PRKCE: variants seen among roughly 807,000 people sequenced by gnomAD.
PRKCE encodes the protein protein kinase C epsilon type.
A neutral mutation model predicts 85.4 loss-of-function variants in PRKCE; 16 were observed. The ratio of observed to expected loss-of-function variants is 0.19; its 90% CI spans 0.13 to 0.28. PRKCE has a LOEUF of 0.28. Among genes scored for constraint, PRKCE ranks in the 10% least tolerant of loss-of-function variants. PRKCE has a pLI of 1.00. For synonymous variants in PRKCE, 388 were observed against 371.5 expected (o/e 1.04, Z -0.51); for missense variants, 573 against 975.2 (o/e 0.59, Z 5.49).
chr2:45,926,409 T>C (rs1226073741), intron 2 of PRKCE, among the ~76,000 whole-genome samples: 1 of 151,936 alleles, frequency 6.6e-6, no homozygotes, highest in Non-Finnish European at 1.5e-5. Context: ...AATCAGTGAG[T>C]TAGGTGAGTC....
intron 1 of PRKCE, among the ~76,000 whole-genome samples, chr2:45,743,334 G>A (rs891773814): frequency 8.5e-5 from 13 of 152,158 alleles, no homozygotes; most frequent in Admixed American, 8.5e-4. Context: ...ACTTCACAAT[G>A]TGCACTTATA....
intron 10 of PRKCE, among the ~76,000 whole-genome samples, chr2:46,035,851 A>G (rs1707825394): frequency 6.6e-6 from 1 of 152,254 alleles, no homozygotes; most frequent in Non-Finnish European, 1.5e-5. Flanking sequence ...AGTCCTTGAG[A>G]TCCAGCAGAG....
chr2:46,135,746 CTTTTT>C (rs11417233), intron 11 of PRKCE, among the ~76,000 whole-genome samples: 67 of 20,666 alleles, frequency 3.2e-3, no homozygotes, highest in African/African-American at 0.015. Flanking sequence ...ACAAATTATG[CTTTTT>C]TTTTTTTTTT....
intron 2 of PRKCE, among the ~76,000 whole-genome samples, chr2:45,923,811 G>C (rs2103964835): frequency 6.6e-6 from 1 of 152,280 alleles, no homozygotes; most frequent in East Asian, 1.9e-4. Context: ...GCAGAGGGAA[G>C]GAGGGAGGAA....
intron 1 of PRKCE, among the ~76,000 whole-genome samples, chr2:45,689,626 C>G (rs1677570284): frequency 6.6e-6 from 1 of 151,728 alleles, no homozygotes; most frequent in South Asian, 2.1e-4. Context: ...AGTTTGTTTT[C>G]CAGCCAGGTG....
At chr2:45,935,527 C>T (rs578067570) in intron 2 of PRKCE, among the ~76,000 whole-genome samples, 11 of 152,306 alleles carry the variant, frequency 7.2e-5, no homozygotes, top group African/African-American at 2.2e-4. Context: ...TGGCTCACGC[C>T]TATAATCCCA....
intron 1 of PRKCE, among the ~76,000 whole-genome samples, chr2:45,784,865 T>C (rs1368399023): frequency 6.6e-6 from 1 of 152,228 alleles, no homozygotes; most frequent in Non-Finnish European, 1.5e-5. Context: ...ATAATGATAA[T>C]GTTTTTTGTC....
At chr2:45,672,906 G>T (rs1236506288) in intron 1 of PRKCE, among the ~76,000 whole-genome samples, 1 of 152,068 alleles carries the variant, frequency 6.6e-6, no homozygotes, top group African/African-American at 2.4e-5. Flanking sequence ...TGCATTTGTA[G>T]TCTCAGCTGC....
chr2:46,067,447 G>A (rs1308164872), intron 10 of PRKCE, among the ~76,000 whole-genome samples: 2 of 152,214 alleles, frequency 1.3e-5, no homozygotes, highest in Non-Finnish European at 2.9e-5. Context: ...CCTGTTAGCC[G>A]AAGGCAGTGA....
chr2:45,751,681 C>T (rs1461347566), intron 1 of PRKCE, among the ~76,000 whole-genome samples: 6 of 152,044 alleles, frequency 3.9e-5, no homozygotes, highest in East Asian at 1.9e-4. Context: ...AGAATGTAAT[C>T]GACTTTAAAA....
At chr2:45,779,543 A>T (rs1293913183) in intron 1 of PRKCE, among the ~76,000 whole-genome samples, 2 of 151,810 alleles carry the variant, frequency 1.3e-5, no homozygotes, top group Admixed American at 6.6e-5. Flanking sequence ...TCCATTTGTG[A>T]ACTGAGAAGT....
chr2:46,044,797 C>G (rs1173004490), intron 10 of PRKCE, among the ~76,000 whole-genome samples: 1 of 152,082 alleles, frequency 6.6e-6, no homozygotes, highest in Non-Finnish European at 1.5e-5. Flanking sequence ...TGGATGAGCC[C>G]AGTATTGGAG....
At chr2:45,806,953 A>G (rs960553743) in intron 1 of PRKCE, among the ~76,000 whole-genome samples, 6 of 152,118 alleles carry the variant, frequency 3.9e-5, no homozygotes, top group Admixed American at 1.3e-4. Flanking sequence ...TTGCCTAGAG[A>G]GCCACTGTGG....
At chr2:45,742,223 C>T (rs1471471854) in intron 1 of PRKCE, among the ~76,000 whole-genome samples, 1 of 151,974 alleles carries the variant, frequency 6.6e-6, no homozygotes, top group Non-Finnish European at 1.5e-5. Context: ...GGGTAACTAT[C>T]CAAAATATAT....
At chr2:45,825,381 C>G (rs1026958970) in intron 1 of PRKCE, among the ~76,000 whole-genome samples, 1 of 152,202 alleles carries the variant, frequency 6.6e-6, no homozygotes, top group African/African-American at 2.4e-5. Context: ...AGGTGTTTAG[C>G]GGTGAGGGGT....
chr2:45,664,950 C>T (rs1044330979), intron 1 of PRKCE, among the ~76,000 whole-genome samples: 3 of 152,208 alleles, frequency 2.0e-5, no homozygotes, highest in Non-Finnish European at 4.4e-5. Context: ...ACTGATTGTT[C>T]AGTTGTCCTG....
chr2:45,730,796 C>T (rs1264971867), intron 1 of PRKCE, among the ~76,000 whole-genome samples: 1 of 152,162 alleles, frequency 6.6e-6, no homozygotes, highest in African/African-American at 2.4e-5. Context: ...CTACCAGTTT[C>T]TTTTCTGTCT....
chr2:45,819,253 C>T (rs1400972940), intron 1 of PRKCE, among the ~76,000 whole-genome samples: 5 of 152,172 alleles, frequency 3.3e-5, no homozygotes, highest in Admixed American at 6.5e-5. Context: ...GAGTGAGGCA[C>T]ACAAGGAATA....
At chr2:45,705,711 G>A (rs1679059170) in intron 1 of PRKCE, among the ~76,000 whole-genome samples, 1 of 152,208 alleles carries the variant, frequency 6.6e-6, no homozygotes, top group African/African-American at 2.4e-5. Flanking sequence ...ATATCCCTGA[G>A]TGTCCTTTGA....
Sources: allele counts gnomAD v4.1 joint callset (sites outside exome capture counted in the v4.1 genomes callset), GRCh38; gene constraint gnomAD v4.1.1; transcripts MANE v1.5; gene names NCBI Gene and HGNC (gene_info 2026-07-23, HGNC 2026-07-21).